HHAT: variants seen among roughly 807,000 people sequenced by gnomAD.
HHAT encodes protein-cysteine N-palmitoyltransferase HHAT.
A neutral mutation model predicts 70.8 loss-of-function variants in HHAT; 47 were observed. That is an observed-to-expected ratio of 0.66 (90% confidence interval 0.53 to 0.85). HHAT has a LOEUF of 0.85. Among genes scored for constraint, HHAT ranks in the 40% least tolerant of loss-of-function variants. The pLI is 0.00. For synonymous variants in HHAT, 228 were observed against 247.6 expected (o/e 0.92, Z 0.74); for missense variants, 609 against 604.8 (o/e 1.01, Z -0.07).
chr1:210,364,211 T>C (rs1459407851), intron 3 of HHAT, among the ~76,000 whole-genome samples: 1 of 152,202 alleles, frequency 6.6e-6, no homozygotes, highest in African/African-American at 2.4e-5. Context: ...CATCCATTTC[T>C]AGATGTTTCT....
chr1:210,529,327 AAAAAAAG>A, intron 9 of HHAT, among the ~76,000 whole-genome samples: 1 of 152,050 alleles, frequency 6.6e-6, no homozygotes, highest in Non-Finnish European at 1.5e-5. Flanking sequence ...GGAAAAAAAA[AAAAAAAG>A]AAAACGGGGA....
intron 9 of HHAT, among the ~76,000 whole-genome samples, chr1:210,514,167 T>C (rs2095011073): frequency 6.6e-6 from 1 of 152,224 alleles, no homozygotes; most frequent in Non-Finnish European, 1.5e-5. Flanking sequence ...ACACTGGATA[T>C]GGTGATGTTC....
At chr1:210,644,631 A>T (rs532344656) in intron 11 of HHAT, among the ~76,000 whole-genome samples, 14 of 150,418 alleles carry the variant, frequency 9.3e-5, no homozygotes, top group African/African-American at 2.7e-4. Context: ...AAAAAAAGTA[A>T]TAGTAGTCTT....
intron 9 of HHAT, among the ~76,000 whole-genome samples, chr1:210,530,592 G>A (rs1311481249): frequency 1.3e-5 from 2 of 152,174 alleles, no homozygotes; most frequent in East Asian, 1.9e-4. Context: ...ACGGAGCAAC[G>A]TGTTCTGGAG....
At chr1:210,339,100 G>A (rs1393417435) in intron 1 of HHAT, among the ~76,000 whole-genome samples, 1 of 152,126 alleles carries the variant, frequency 6.6e-6, no homozygotes, top group African/African-American at 2.4e-5. Flanking sequence ...TCTCTGCCTT[G>A]TAATGTTACT....
intron 9 of HHAT, among the ~76,000 whole-genome samples, chr1:210,553,583 T>G (rs1196034775): frequency 1.3e-5 from 2 of 152,230 alleles, no homozygotes; most frequent in Non-Finnish European, 2.9e-5. Flanking sequence ...CCTGAAGGTT[T>G]CAACCCTAGC....
intron 10 of HHAT, among the ~76,000 whole-genome samples, chr1:210,604,487 C>T (rs912110125): frequency 2.6e-5 from 4 of 152,086 alleles, no homozygotes; most frequent in Admixed American, 1.3e-4. Context: ...TTTAAAAATA[C>T]ACATACACAG....
intron 8 of HHAT, among the ~76,000 whole-genome samples, chr1:210,469,413 C>A (rs372327555): frequency 3.3e-5 from 5 of 152,110 alleles, no homozygotes; most frequent in African/African-American, 1.2e-4. Context: ...CCACCAGGAT[C>A]CCTGTGCTAA....
chr1:210,652,845 T>A (rs556284381), intron 11 of HHAT, among the ~76,000 whole-genome samples: 1 of 152,290 alleles, frequency 6.6e-6, no homozygotes, highest in Admixed American at 6.5e-5. Context: ...TTGGCATAGA[T>A]CAAAAATTTT....
At chr1:210,367,268 C>G (rs143023971) in intron 3 of HHAT, among the ~76,000 whole-genome samples, 1 of 152,328 alleles carries the variant, frequency 6.6e-6, no homozygotes, top group East Asian at 1.9e-4. Flanking sequence ...GGGATTTAAT[C>G]ATTTCTGTAT....
intron 1 of HHAT, among the ~76,000 whole-genome samples, chr1:210,336,985 C>T (rs1642723528): frequency 6.6e-6 from 1 of 152,112 alleles, no homozygotes; most frequent in Non-Finnish European, 1.5e-5. Context: ...GGAAAGAATG[C>T]AATATCACAT....
At chr1:210,545,119 T>C (rs750709276) in intron 9 of HHAT, among the ~76,000 whole-genome samples, 17 of 152,156 alleles carry the variant, frequency 1.1e-4, no homozygotes, top group Admixed American at 3.9e-4. Context: ...AAGGTACCCT[T>C]TGCTTAAAAT....
chr1:210,570,265 G>A (rs1342626728), intron 9 of HHAT, among the ~76,000 whole-genome samples: 2 of 152,168 alleles, frequency 1.3e-5, no homozygotes, highest in Admixed American at 6.5e-5. Context: ...AGCCATGGGA[G>A]GGGGCTCGGT....
intron 7 of HHAT, among the ~76,000 whole-genome samples, chr1:210,443,325 C>A (rs1298781257): frequency 1.3e-5 from 2 of 151,526 alleles, no homozygotes; most frequent in East Asian, 1.9e-4. Context: ...CTTGGCGATG[C>A]GGGCTCTTTT....
In HHAT at chr1:210,560,822, A is replaced by G. The variant is rs1468278549; in HGVS notation, c.1044-27076A>G. On this transcript the variant is annotated intron_variant, in intron 9 of 11. Transcript: ENST00000261458. ...AGTGAGACCCTGTGTCTTAAAAAAA[A>G]AAAAAAAAAAAAAAAAAAAAAAAAA... Among the ~76,000 whole-genome samples the G allele has an allele frequency of 2.4e-5, 3 of 123,698 alleles. No homozygotes were observed. The Admixed American group carries it at 3.0e-4, about 12-fold the overall frequency. The allele number at this position is 123,698 out of a possible 152,430, so 81.2% of individuals were successfully genotyped here.
chr1:210,658,620 TC>T (rs1362179751), intron 11 of HHAT, among the ~76,000 whole-genome samples: 1 of 152,222 alleles, frequency 6.6e-6, no homozygotes, highest in Admixed American at 6.5e-5. Context: ...CTACCCCAAA[TC>T]AACAGAATAT....
intron 3 of HHAT, among the ~76,000 whole-genome samples, chr1:210,374,510 A>G (rs1355141042): frequency 6.6e-6 from 1 of 152,152 alleles, no homozygotes; most frequent in African/African-American, 2.4e-5. Flanking sequence ...GAGATTCCAC[A>G]CCTTGTTATT....
chr1:210,491,495 G>A lies in HHAT; in HGVS notation c.1008-21658G>A, dbSNP rs76893388. Reference sequence around the variant, plus strand: ...CCTTGTTCATCTACTTACCAGCGGAGAACCCTTGGGCAAGTTATTATTTCT... The same window carrying A: ...CCTTGTTCATCTACTTACCAGCGGAAAACCCTTGGGCAAGTTATTATTTCT... On this transcript the variant is annotated intron_variant, in intron 8 of 11. Coordinates refer to ENST00000261458, the MANE Select transcript of HHAT (RefSeq NM_018194.6). 8.0e-3 allele frequency among the ~76,000 whole-genome samples: 1,216 copies of A among 152,258 alleles called. 17 individuals carry two copies. Among genetic ancestry groups the A allele is most frequent in the African/African-American group, 0.028 (1,148 of 41,546 alleles).
chr1:210,415,503 A>C (rs1232322965), intron 6 of HHAT, among the ~76,000 whole-genome samples: 3 of 152,200 alleles, frequency 2.0e-5, no homozygotes, highest in Admixed American at 6.5e-5. Flanking sequence ...CTTCTTGGAG[A>C]ACTCAAATTC....
Sources: allele counts gnomAD v4.1 joint callset (sites outside exome capture counted in the v4.1 genomes callset), GRCh38; gene constraint gnomAD v4.1.1; transcripts MANE v1.5; gene names NCBI Gene and HGNC (gene_info 2026-07-23, HGNC 2026-07-21).